Variants in TPRN observed in about 807,000 individuals in gnomAD.
TPRN encodes the protein chromosome 9 open reading frame 75.
TPRN carries 32 observed loss-of-function variants against 42.6 expected under a neutral mutation model. That is an observed-to-expected ratio of 0.75 (90% CI 0.57 to 1.01). The LOEUF is 1.01. Ranked by LOEUF, TPRN falls within the 50% of genes least tolerant of loss-of-function variation. TPRN has a pLI of 0.00. For synonymous variants in TPRN, 541 were observed against 445.6 expected, an observed-to-expected ratio of 1.21 and a Z score of -2.70; for missense variants, 1,095 against 957.5, an observed-to-expected ratio of 1.14 and a Z score of -1.90.
rs1834648520 is a variant in TPRN, at chr9:137,192,883, TG to T, written c.1726-193del. The T allele has an allele frequency of 9.6e-6, 6 of 624,792 alleles. No homozygotes were observed. The South Asian group carries it at 1.2e-4, about 12-fold the overall frequency. 38.7% of individuals were successfully genotyped at this position (624,792 alleles called of 1,614,324 possible). A position where few individuals can be genotyped will look rare whatever the true frequency, so the allele number is the denominator to read the frequency against. ...CCTGCAGGCGTCCATCCCTCCACCC[TG>T]GGGGTCAACCTCCCCTCCCCATTCC... On this transcript the variant is annotated intron_variant, in intron 1 of 3. Coordinates refer to ENST00000409012, the MANE Select transcript of TPRN (RefSeq NM_001128228.3).
rs1254492154 is a variant in TPRN, at chr9:137,191,959, C to G, written c.*153G>C. The G allele has an allele frequency of 4.2e-6, 4 of 952,358 alleles. No homozygotes were observed. The East Asian group carries it at 1.1e-4, about 25-fold the overall frequency. 59.0% of individuals were successfully genotyped at this position (952,358 alleles called of 1,614,324 possible). On this transcript the variant is annotated 3_prime_UTR_variant, in exon 4 of 4. Coordinates refer to ENST00000409012, the MANE Select transcript of TPRN (RefSeq NM_001128228.3). ...TGAGACCCAGACCTGGCCCCGATGG[C>G]AGGAGGCACCCTAGCTGCTTCCAGG...
intron 1 of TPRN, among the ~76,000 whole-genome samples, chr9:137,197,916 C>A (rs558819417): frequency 6.6e-6 from 1 of 152,344 alleles, no homozygotes; most frequent in South Asian, 2.1e-4. Context: ...CACCAACGCC[C>A]TGGTTCCAGG....
Position 137,198,897 on chromosome 9 carries a change from C to G in TPRN, c.1725+90G>C, listed in dbSNP as rs574930712. On this transcript the variant is annotated intron_variant, in intron 1 of 3. Transcript: ENST00000409012. The stretch of plus-strand genomic sequence containing the variant: ...GAAACCATCCTTTGCCCAGGCCAAG[C>G]GTCCTGGGATCAGGGCAGGTGCTGC... The G allele has an allele frequency of 1.5e-5, 24 of 1,597,092 alleles. No homozygotes were observed. In the East Asian group the frequency reaches 4.7e-4, roughly 31 times the overall value.
chr9:137,200,220 GGGCGGC>G lies in TPRN; in HGVS notation c.486_491del (p.Pro163_Pro164del), dbSNP rs957768814. On this transcript the variant is annotated inframe_deletion, in exon 1 of 4. Coordinates refer to ENST00000409012, the MANE Select transcript of TPRN (RefSeq NM_001128228.3). The surrounding 1 kb of genome is among the most constrained non-coding windows in gnomAD (Gnocchi z 4.3). ...CCGCGGGCGGGGGCCGGGGCGGCGC[GGGCGGC>G]GGCGGCGGCGGCGGGGGGCGGGCGC... 10 of 958,584 alleles carry G rather than the reference GGGCGGC, an allele frequency of 1.0e-5. No individual in the cohort carries two copies. The East Asian group carries it at 5.9e-4, about 57-fold the overall frequency. 59.4% of individuals were successfully genotyped at this position (958,584 alleles called of 1,614,324 possible). A position where few individuals can be genotyped will look rare whatever the true frequency, so the allele number is the denominator to read the frequency against.
Position 137,199,512 on chromosome 9 carries a change from G to A in TPRN, c.1200C>T (p.Pro400=), listed in dbSNP as rs746736124. The A allele has an allele frequency of 1.8e-5, 29 of 1,576,840 alleles. No homozygotes were observed. Among genetic ancestry groups the A allele is most frequent in the Non-Finnish European group, 2.3e-5 (27 of 1,162,028 alleles). ...AQWAVEEGAC[P]RTATALADRA... ...GGTCAGCGAGGGCGGTGGCTGTCCT[G>A]GGACAGGCCCCCTCCTCGACTGCCC... is the stretch of plus-strand genomic sequence containing the variant. Residue 400 remains proline (P), a synonymous_variant, in exon 1 of 4, where the codon CCC becomes CCT. Transcript: ENST00000409012.
Position 137,191,746 on chromosome 9 carries a change from C to T in TPRN, c.*366G>A, listed in dbSNP as rs1470331318. ...AGGACAAGTAGCTGGGACAGCCCTT[C>T]ACCCCGACACCCCATGGCCACTGTG... On this transcript the variant is annotated 3_prime_UTR_variant, in exon 4 of 4. Transcript: ENST00000409012. The T allele has an allele frequency of 1.3e-5, 5 of 393,542 alleles. No homozygotes were observed. In the East Asian group the frequency reaches 2.4e-4, roughly 19 times the overall value. The allele number at this position is 393,542 out of a possible 1,614,324, so 24.4% of individuals were successfully genotyped here.
chr9:137,196,656 C>T (rs1834710219), intron 1 of TPRN, among the ~76,000 whole-genome samples: 2 of 152,184 alleles, frequency 1.3e-5, no homozygotes, highest in East Asian at 3.9e-4. Context: ...CCCGCAGGGG[C>T]ACCTCGCACC....
In TPRN at chr9:137,200,670, C is replaced by G; in HGVS notation, c.42G>C (p.Ala14=). The stretch of plus-strand genomic sequence containing the variant: ...GGATCTCACGCTTCCAAGCGGGCAC[C>G]GCAGCGCGCGGCCCCGAGCCCGGCC... The part of the protein sequence containing the change: ...LGRPGSGPRA[A]VPAWKREILE... The change falls in exon 1 of 4, where the codon GCG becomes GCC. Residue 14 remains alanine (A), a synonymous_variant. Coordinates refer to ENST00000409012, the MANE Select transcript of TPRN (RefSeq NM_001128228.3). This position sits in a 1 kb window ranked among gnomAD's most constrained non-coding sequence, Gnocchi z 4.3. The G allele has an allele frequency of 2.4e-6, 3 of 1,234,462 alleles. No homozygotes were observed. Among genetic ancestry groups the G allele is most frequent in the Non-Finnish European group, 3.1e-6 (3 of 977,278 alleles). The allele number at this position is 1,234,462 out of a possible 1,614,324, so 76.5% of individuals were successfully genotyped here.
At position 137,199,728 on chromosome 9, in the gene TPRN, T is replaced by G. The variant is rs1389413422; in HGVS notation, c.984A>C (p.Arg328=). Residue 328 remains arginine, a synonymous_variant, in exon 1 of 4, where the codon CGA becomes CGC. Transcript: ENST00000409012. ...RALASLRANS[R]NSFMVIPKSK... ...TCTTGGGGATGACCATGAAAGAATT[T>G]CGAGAGTTTGCGCGGAGGCTGGCCA... The G allele has an allele frequency of 1.1e-5, 17 of 1,611,974 alleles. No homozygotes were observed. The highest frequency in any genetic ancestry group is 1.4e-5 in the Non-Finnish European group (17 of 1,179,628).
chr9:137,197,391 C>G (rs1170095440), intron 1 of TPRN, among the ~76,000 whole-genome samples: 1 of 152,138 alleles, frequency 6.6e-6, no homozygotes, highest in South Asian at 2.1e-4. Context: ...TGTGAGCCAC[C>G]GCGCCCAGCC....
chr9:137,191,656 G>T lies in TPRN; in HGVS notation c.*456C>A, dbSNP rs1334757921. 1 of 312,762 alleles carries T rather than the reference G, an allele frequency of 3.2e-6. No homozygotes were observed. Among genetic ancestry groups the T allele is most frequent in the Non-Finnish European group, 6.4e-6 (1 of 157,164 alleles). 19.4% of individuals were successfully genotyped at this position (312,762 alleles called of 1,614,324 possible). A position where few individuals can be genotyped will look rare whatever the true frequency, so the allele number is the denominator to read the frequency against. On this transcript the variant is annotated 3_prime_UTR_variant, in exon 4 of 4. Transcript: ENST00000409012. ...CTGTTTATTGAGTCCATCATCAGAG[G>T]CAGGAAAGACGCCACTCATCACAGA...
chr9:137,192,677 G>A lies in TPRN; in HGVS notation c.1740C>T (p.Phe580=), dbSNP rs899866123. The A allele has an allele frequency of 1.2e-6, 2 of 1,613,662 alleles. No individual in the cohort carries two copies. Among genetic ancestry groups the A allele is most frequent in the Non-Finnish European group, 1.7e-6 (2 of 1,179,976 alleles). ...ATGTGGTCTGCAGGCTTTTGTCGTTGAAGGAGATCTTCATCTGGGAGTGAG... is the reference window on the plus strand; with the variant it reads ...ATGTGGTCTGCAGGCTTTTGTCGTTAAAGGAGATCTTCATCTGGGAGTGAG... The part of the protein sequence containing the change: ...GSSRKKMKIS[F]NDKSLQTTFE... The change falls in exon 2 of 4, where the codon TTC becomes TTT. Residue 580 remains phenylalanine, a synonymous_variant. Transcript: ENST00000409012.
intron 1 of TPRN, among the ~76,000 whole-genome samples, chr9:137,197,096 C>T (rs1834716299): frequency 6.6e-6 from 1 of 152,144 alleles, no homozygotes; most frequent in Non-Finnish European, 1.5e-5. Context: ...AGTTCTGTCC[C>T]TTCTTTGCTT....
At position 137,199,195 on chromosome 9, in the gene TPRN, T is replaced by G. The variant is rs765183845; in HGVS notation, c.1517A>C (p.Lys506Thr). 1 of 1,613,192 alleles carries G rather than the reference T, an allele frequency of 6.2e-7. No individual in the cohort carries two copies. Among genetic ancestry groups the G allele is most frequent in the Non-Finnish European group, 8.5e-7 (1 of 1,180,016 alleles). The part of the protein sequence containing the change: ...RGSNTFTVVP[K>T]RKPGTLQDQH... Reference sequence around the variant, plus strand: ...GTCCTGCAGAGTCCCTGGCTTCCTCTTGGGCACCACTGTGAAGGTGTTGCT... The same window carrying G: ...GTCCTGCAGAGTCCCTGGCTTCCTCGTGGGCACCACTGTGAAGGTGTTGCT... Residue 506 changes from lysine to threonine, a missense_variant, in exon 1 of 4, where the codon AAG becomes ACG. Coordinates refer to ENST00000409012, the MANE Select transcript of TPRN (RefSeq NM_001128228.3).
In TPRN at chr9:137,200,471, C is replaced by G; in HGVS notation, c.241G>C (p.Glu81Gln). The G allele has an allele frequency of 2.7e-6, 3 of 1,120,738 alleles. No individual in the cohort carries two copies. The highest frequency in any genetic ancestry group is 2.2e-6 in the Non-Finnish European group (2 of 918,144). 69.4% of individuals were successfully genotyped at this position (1,120,738 alleles called of 1,614,324 possible). ...ACGCCAGGCACGCGGCGGTACCGCT[C>G]CAGCAGCCGCGCCCCCGCCGCGCCC... ...GGGAAGARLLERYRRVPGVRA... is the reference protein window; with the variant it reads ...GGGAAGARLLQRYRRVPGVRA... The change falls in exon 1 of 4, where the codon GAG becomes CAG. Residue 81 changes from glutamate to glutamine, a missense_variant. By Grantham distance (29) the Glu-to-Gln change is conservative. Coordinates refer to ENST00000409012, the MANE Select transcript of TPRN (RefSeq NM_001128228.3). The surrounding 1 kb of genome is among the most constrained non-coding windows in gnomAD (Gnocchi z 4.3).
rs376810326 is a variant in TPRN at position 137,192,572 on chromosome 9, T to TTCC, written c.1842_1844dup (p.Glu621dup). 1.3e-3 allele frequency: 2,165 copies of TTCC among 1,608,350 alleles called. 6 individuals carry two copies. The East Asian group carries it at 0.017, about 13-fold the overall frequency. On this transcript the variant is annotated inframe_insertion, in exon 2 of 4. Transcript: ENST00000409012. Reference sequence around the variant, plus strand: ...CGGATCCCTCTTCCTCCTCTTCCTCTTCCTCCTCCTCCTCCTCCTCCTCCT... The same window carrying TTCC: ...CGGATCCCTCTTCCTCCTCTTCCTCTTCCTCCTCCTCCTCCTCCTCCTCCTCCT...
At chr9:137,196,275 G>C (rs928934340) in intron 1 of TPRN, among the ~76,000 whole-genome samples, 1 of 152,212 alleles carries the variant, frequency 6.6e-6, no homozygotes, top group Non-Finnish European at 1.5e-5. Flanking sequence ...ACGCCCGGGG[G>C]TCACAGCCAG....
chr9:137,199,738 G>C lies in TPRN; in HGVS notation c.974C>G (p.Ala325Gly). ...GACCATGAAAGAATTTCGAGAGTTT[G>C]CGCGGAGGCTGGCCAGCGCCCGGGC... ...LQARALASLR[A>G]NSRNSFMVIP... Residue 325 changes from alanine (A) to glycine (G), a missense_variant, in exon 1 of 4, where the codon GCA becomes GGA. Physicochemically the swap from Ala to Gly is moderately conservative, Grantham distance 60 (BLOSUM62 0). Transcript: ENST00000409012. The C allele has an allele frequency of 1.9e-6, 3 of 1,612,196 alleles. No homozygotes were observed. Among genetic ancestry groups the C allele is most frequent in the Non-Finnish European group, 2.5e-6 (3 of 1,179,714 alleles).
Position 137,191,817 on chromosome 9 carries a change from T to C in TPRN, c.*295A>G. ...ACAGGGAATGGCCAGGTGCAGAATC[T>C]GCACAGCCCCCTGCCGGGTCGCAGA... On this transcript the variant is annotated 3_prime_UTR_variant, in exon 4 of 4. Coordinates refer to ENST00000409012, the MANE Select transcript of TPRN (RefSeq NM_001128228.3). 1 of 497,900 alleles carries C rather than the reference T, an allele frequency of 2.0e-6. No individual in the cohort carries two copies. Among genetic ancestry groups the C allele is most frequent in the Non-Finnish European group, 3.7e-6 (1 of 271,456 alleles). 30.8% of individuals were successfully genotyped at this position (497,900 alleles called of 1,614,324 possible).
Sources: allele counts gnomAD v4.1 joint callset (sites outside exome capture counted in the v4.1 genomes callset), GRCh38; gene constraint gnomAD v4.1.1; non-coding constraint Gnocchi (gnomAD v3.1); transcripts MANE v1.5; gene names NCBI Gene and HGNC (gene_info 2026-07-23, HGNC 2026-07-21).